The following BRDT variants were observed in gnomAD, a reference collection of about 807,000 sequenced individuals.
The protein encoded by BRDT is bromodomain testis associated, also known as bromodomain testis-specific protein.
Under a neutral mutation model 113.9 loss-of-function variants are expected in BRDT, and 77 were observed. The observed-to-expected ratio is 0.68, with a 90% CI of 0.56 to 0.82. The LOEUF is 0.82. BRDT is among the 40% of genes least tolerant of loss of function. The probability of loss-of-function intolerance (pLI) is 0.00; values close to 1 mark genes in which losing one functional copy is unlikely to be tolerated. For missense variants in BRDT, 1,027 were observed against 1,105.4 expected (o/e 0.93, Z 1.01); for synonymous variants, 358 against 366.5 (o/e 0.98, Z 0.26).
Position 91,962,803 on chromosome 1 carries a change from C to A in BRDT, c.49C>A (p.Pro17Thr), listed in dbSNP as rs1221386438. The change falls in exon 2 of 19, where the codon CCA becomes ACA. Residue 17 changes from proline (P) to threonine (T), a missense_variant. Coordinates refer to ENST00000399546, the MANE Select transcript of BRDT (RefSeq NM_207189.4). ...AGCTATTATTGTTAACCCTCCTCCA[C>A]CAGAATATATAAATACTAAGAAAAA... is the stretch of plus-strand genomic sequence containing the variant. ...QTAIIVNPPP[P>T]EYINTKKNGR... 1 of 1,608,314 alleles carries A rather than the reference C, an allele frequency of 6.2e-7. No homozygotes were observed. Among genetic ancestry groups the A allele is most frequent in the Non-Finnish European group, 8.5e-7 (1 of 1,177,960 alleles).
chr1:92,004,909 C>T (rs1687165840), intron 17 of BRDT, among the ~76,000 whole-genome samples: 1 of 152,016 alleles, frequency 6.6e-6, no homozygotes. Flanking sequence ...GATAGTGGTT[C>T]ATCTTGGCCA....
At chr1:91,968,852 T>C (rs1057119208) in intron 4 of BRDT, among the ~76,000 whole-genome samples, 7 of 152,196 alleles carry the variant, frequency 4.6e-5, no homozygotes, top group Non-Finnish European at 1.0e-4. Context: ...ACTTAAGCAG[T>C]GTAATCTTTA....
intron 1 of BRDT, among the ~76,000 whole-genome samples, chr1:91,957,264 C>A (rs1267366452): frequency 1.3e-5 from 2 of 152,108 alleles, no homozygotes; most frequent in Non-Finnish European, 2.9e-5. Flanking sequence ...GAGGCCGAGG[C>A]AGGCGGATCA....
chr1:91,981,562 T>C lies in BRDT; in HGVS notation c.1865-56T>C. 3 of 1,596,608 alleles carry C rather than the reference T, an allele frequency of 1.9e-6. No individual in the cohort carries two copies. The Admixed American group carries it at 5.2e-5, about 28-fold the overall frequency. Reference sequence around the variant, plus strand: ...CCCAGCCTAGGTGGCAGTTTTTAAATGTTCCTGCAACTATTTAATTCTTCT... The same window carrying C: ...CCCAGCCTAGGTGGCAGTTTTTAAACGTTCCTGCAACTATTTAATTCTTCT... On this transcript the variant is annotated intron_variant, in intron 11 of 18. Transcript: ENST00000399546.
chr1:92,005,357 C>T, intron 18 of BRDT, 58 bp downstream of exon 18: 1 of 1,413,512 alleles, frequency 7.1e-7, no homozygotes, highest in Non-Finnish European at 9.3e-7. Context: ...TAACAGAGCA[C>T]TGTCTTTTGT....
At chr1:92,007,723 C>T (rs111579904) in intron 18 of BRDT, among the ~76,000 whole-genome samples, 1,782 of 152,260 alleles carry the variant, frequency 0.012, 23 homozygotes, top group African/African-American at 0.032. Context: ...GTTATACCAC[C>T]TCATGTTTAG....
chr1:91,952,603 A>G (rs776972817), intron 1 of BRDT, among the ~76,000 whole-genome samples: 4 of 152,124 alleles, frequency 2.6e-5, no homozygotes, highest in Non-Finnish European at 4.4e-5. Context: ...TAGTAGATAA[A>G]TGTCGAAGAT....
At chr1:91,998,595 C>T (rs1427797808) in intron 15 of BRDT, among the ~76,000 whole-genome samples, 3 of 152,080 alleles carry the variant, frequency 2.0e-5, no homozygotes, top group Middle Eastern at 3.4e-3. Context: ...AAAAGTAAAT[C>T]CAGGAGTTTG....
chr1:91,964,197 A>G (rs539485843), intron 2 of BRDT, among the ~76,000 whole-genome samples: 1 of 152,260 alleles, frequency 6.6e-6, no homozygotes, highest in Admixed American at 6.5e-5. Context: ...AGTAGCTGGG[A>G]TTACAGGCAC....
chr1:91,976,309 A>G lies in BRDT; in HGVS notation c.489A>G (p.Ser163=), dbSNP rs1360045389. The G allele has an allele frequency of 6.2e-7, 1 of 1,611,270 alleles. No individual in the cohort carries two copies. Among genetic ancestry groups the G allele is most frequent in the Non-Finnish European group, 8.5e-7 (1 of 1,179,184 alleles). The part of the protein sequence containing the change: ...NIAVSSAKEK[S]SPSATEKVFK... The stretch of plus-strand genomic sequence containing the variant: ...CTGTTTCTTCTGCTAAAGAAAAATC[A>G]TCACCCAGCGCAACAGAAAAAGTAT... Residue 163 remains serine (S), a synonymous_variant, in exon 5 of 19, where the codon TCA becomes TCG. Coordinates refer to ENST00000399546, the MANE Select transcript of BRDT (RefSeq NM_207189.4).
At chr1:91,976,109 A>G (rs1684114444) in intron 4 of BRDT, among the ~76,000 whole-genome samples, 157 bp from the exon 5 acceptor site, 1 of 152,206 alleles carries the variant, frequency 6.6e-6, no homozygotes, top group South Asian at 2.1e-4. Flanking sequence ...AATTGGTCTA[A>G]CCTGTCTAAT....
chr1:92,005,550 G>A (rs536844970), intron 18 of BRDT, among the ~76,000 whole-genome samples: 31 of 152,206 alleles, frequency 2.0e-4, no homozygotes, highest in Non-Finnish European at 2.9e-4. Flanking sequence ...TTTTGGAGGC[G>A]GGAGGATCTT....
In BRDT at chr1:91,962,924, A is replaced by G; in HGVS notation, c.170A>G (p.Asp57Gly). 6.2e-7 allele frequency: 1 copy of G among 1,600,640 alleles called. No homozygotes were observed. Among genetic ancestry groups the G allele is most frequent in the East Asian group, 2.2e-5 (1 of 44,634 alleles). Residue 57 changes from aspartate to glycine, a missense_variant, in exon 2 of 19, where the codon GAT becomes GGT. Coordinates refer to ENST00000399546, the MANE Select transcript of BRDT (RefSeq NM_207189.4). Reference protein sequence around the residue: ...SFSWPFQRPVDAVKLQLPDYY... With the variant: ...SFSWPFQRPVGAVKLQLPDYY... ...TCATGGCCCTTTCAACGTCCTGTGG[A>G]TGCTGTGAAACTACAGTTGCCTGTA...
chr1:92,000,044 T>A (rs569055419), intron 15 of BRDT, among the ~76,000 whole-genome samples: 113 of 152,072 alleles, frequency 7.4e-4, no homozygotes, highest in Non-Finnish European at 1.1e-3. Context: ...CCCAGCTAAG[T>A]TGTTATTTGT....
At chr1:91,977,583 G>C in intron 6 of BRDT, 190 bp downstream of exon 6, 1 of 467,224 alleles carries the variant, frequency 2.1e-6, no homozygotes, top group South Asian at 3.3e-5. Flanking sequence ...CATGTCCATG[G>C]TTCTAGGCCG....
intron 1 of BRDT, among the ~76,000 whole-genome samples, chr1:91,958,740 T>G (rs1682079790): frequency 6.6e-6 from 1 of 152,120 alleles, no homozygotes; most frequent in Non-Finnish European, 1.5e-5. Flanking sequence ...CAGTGGAAAG[T>G]AATTCTAGAT....
At chr1:92,001,142 G>C (rs544067727) in intron 15 of BRDT, among the ~76,000 whole-genome samples, 2 of 152,214 alleles carry the variant, frequency 1.3e-5, no homozygotes, top group South Asian at 2.1e-4. Context: ...GCTTAGGTCT[G>C]CTCTTCCTAA....
chr1:92,001,893 G>C (rs554960597), intron 15 of BRDT, among the ~76,000 whole-genome samples, 156 bp from the exon 16 acceptor site: 1 of 152,120 alleles, frequency 6.6e-6, no homozygotes, highest in Admixed American at 6.5e-5. Context: ...AGTATAACAA[G>C]TCCCTAACTA....
At chr1:91,982,523 G>A (rs1019631825) in intron 12 of BRDT, among the ~76,000 whole-genome samples, 5 of 152,080 alleles carry the variant, frequency 3.3e-5, no homozygotes, top group Admixed American at 6.5e-5. Context: ...CCTAAATTTT[G>A]CTTTATTTTA....
Sources: allele counts gnomAD v4.1 joint callset (sites outside exome capture counted in the v4.1 genomes callset), GRCh38; gene constraint gnomAD v4.1.1; transcripts MANE v1.5; gene names NCBI Gene and HGNC (gene_info 2026-07-23, HGNC 2026-07-21).